The following PCDHGB6 variants were observed in gnomAD, a reference collection of about 807,000 sequenced individuals.
PCDHGB6 encodes the protein protocadherin gamma subfamily B, 6, also known as protocadherin gamma-B6.
Under a neutral mutation model 59.1 loss-of-function variants are expected in PCDHGB6, and 51 were observed. The observed-to-expected ratio is 0.86, with a 90% CI of 0.69 to 1.09. PCDHGB6 has a LOEUF of 1.09. Among genes scored for constraint, PCDHGB6 ranks in the 50% least tolerant of loss-of-function variants. The probability of loss-of-function intolerance (pLI) is 0.00; values close to 1 mark genes in which losing one functional copy is unlikely to be tolerated. For missense variants in PCDHGB6, 1,148 were observed against 1,205.1 expected (o/e 0.95, Z 0.70); for synonymous variants, 466 against 495.1 (o/e 0.94, Z 0.78).
intron 1 of PCDHGB6, chr5:141,429,222 T>C (rs897099159): frequency 6.6e-6 from 1 of 151,494 alleles, no homozygotes; most frequent in Non-Finnish European, 1.5e-5. Context: ...AAAGTGGGTA[T>C]TATGATACTG....
At position 141,431,994 on chromosome 5, in the gene PCDHGB6, G is replaced by C; in HGVS notation, c.2418+21374G>C. ...TTAGTCACAGACATAGTCTTGGATA[G>C]GGAACAGGTTCCTAGCTACAACATC... is the stretch of plus-strand genomic sequence containing the variant. On this transcript the variant is annotated intron_variant, in intron 1 of 3. Coordinates refer to ENST00000520790, the MANE Select transcript of PCDHGB6 (RefSeq NM_018926.3). The surrounding 1 kb of genome is among the most constrained non-coding windows in gnomAD (Gnocchi z 4.8). 1.9e-6 allele frequency: 3 copies of C among 1,614,188 alleles called. 1 individual carries two copies. The highest frequency in any genetic ancestry group is 2.2e-5 in the South Asian group (2 of 91,082).
chr5:141,431,725 G>A lies in PCDHGB6; in HGVS notation c.2418+21105G>A. The A allele has an allele frequency of 6.2e-7, 1 of 1,614,230 alleles. No individual in the cohort carries two copies. Among genetic ancestry groups the A allele is most frequent in the Non-Finnish European group, 8.5e-7 (1 of 1,180,044 alleles). On this transcript the variant is annotated intron_variant, in intron 1 of 3. Coordinates refer to ENST00000520790, the MANE Select transcript of PCDHGB6 (RefSeq NM_018926.3). The surrounding 1 kb of genome is among the most constrained non-coding windows in gnomAD (Gnocchi z 4.8). Reference sequence around the variant, plus strand: ...TCTACCAGATGGAAGTGCAAGCAATGGATAATGCAGGATATTCTGCGCGAG... The same window carrying A: ...TCTACCAGATGGAAGTGCAAGCAATAGATAATGCAGGATATTCTGCGCGAG...
rs746913952 is a variant in PCDHGB6, at chr5:141,432,898, G to T, written c.2418+22278G>T. 2.5e-6 allele frequency: 4 copies of T among 1,614,174 alleles called. No individual in the cohort carries two copies. Among genetic ancestry groups the T allele is most frequent in the Admixed American group, 3.3e-5 (2 of 60,034 alleles). ...TGGCCTTCGTCATCTTGCTGCTGGC[G>T]CTCAGGCTGCGGCGCTGGCACAAGT... On this transcript the variant is annotated intron_variant, in intron 1 of 3. Coordinates refer to ENST00000520790, the MANE Select transcript of PCDHGB6 (RefSeq NM_018926.3). The surrounding 1 kb of genome is among the most constrained non-coding windows in gnomAD (Gnocchi z 6.0).
At chr5:141,413,318 T>C in intron 1 of PCDHGB6, 1 of 1,613,968 alleles carries the variant, frequency 6.2e-7, no homozygotes, top group Non-Finnish European at 8.5e-7. Flanking sequence ...AAAGGCTCTT[T>C]CGTGGGCAAC....
chr5:141,415,740 G>GTTTTTTTTTTTTTTTTTT (rs57426385), intron 1 of PCDHGB6: 15 of 625,028 alleles, frequency 2.4e-5, no homozygotes, highest in African/African-American at 7.5e-5. Flanking sequence ...GTTTATTAAG[G>GTTTTTTTTTTTTTTTTTT]TTTTTTTTTT....
intron 1 of PCDHGB6, among the ~76,000 whole-genome samples, chr5:141,435,946 A>C (rs953432473): frequency 6.6e-6 from 1 of 152,174 alleles, no homozygotes; most frequent in Non-Finnish European, 1.5e-5. Flanking sequence ...CTGAGACCAA[A>C]AAAGGGGGCA....
In PCDHGB6 at chr5:141,493,668, GC is replaced by G. The variant is rs1178535601; in HGVS notation, c.2419-1135del. On this transcript the variant is annotated intron_variant, in intron 1 of 3. Coordinates refer to ENST00000520790, the MANE Select transcript of PCDHGB6 (RefSeq NM_018926.3). This position sits in a 1 kb window ranked among gnomAD's most constrained non-coding sequence, Gnocchi z 4.3. ...CATCCCTGTGCCCTTCTCCATGGCAGCCCCAGAATGGTGCTGGTGACTCCCG... is the reference window on the plus strand; with the variant it reads ...CATCCCTGTGCCCTTCTCCATGGCAGCCCAGAATGGTGCTGGTGACTCCCG... Among the ~76,000 whole-genome samples the G allele has an allele frequency of 6.6e-6, 1 of 152,140 alleles. No individual in the cohort carries two copies. The highest frequency in any genetic ancestry group is 2.4e-5 in the African/African-American group (1 of 41,422).
chr5:141,418,264 A>C, intron 1 of PCDHGB6: 1 of 1,614,082 alleles, frequency 6.2e-7, no homozygotes, highest in Non-Finnish European at 8.5e-7. Flanking sequence ...AATTCCGGAA[A>C]GATGAAATAA....
intron 1 of PCDHGB6, among the ~76,000 whole-genome samples, chr5:141,435,308 A>G (rs2097757210): frequency 6.6e-6 from 1 of 152,186 alleles, no homozygotes; most frequent in African/African-American, 2.4e-5. Flanking sequence ...GTTTTAAATC[A>G]TTCATGAACT....
intron 1 of PCDHGB6, among the ~76,000 whole-genome samples, chr5:141,467,735 C>T (rs557555571): frequency 3.3e-5 from 5 of 152,182 alleles, no homozygotes; most frequent in East Asian, 3.9e-4. Flanking sequence ...AATCCCAGCT[C>T]GCTGCAACCT....
In PCDHGB6 at chr5:141,413,895, T is replaced by C. The variant is rs749075692; in HGVS notation, c.2418+3275T>C. On this transcript the variant is annotated intron_variant, in intron 1 of 3. Transcript: ENST00000520790. ...TCAGTGTGACTGTCTTCGATGCAAATGACAACGCGCCGGTCTTCACCTTGC... is the reference window on the plus strand; with the variant it reads ...TCAGTGTGACTGTCTTCGATGCAAACGACAACGCGCCGGTCTTCACCTTGC... 7 of 1,613,190 alleles carry C rather than the reference T, an allele frequency of 4.3e-6. No individual in the cohort carries two copies. The South Asian group carries it at 6.6e-5, about 15-fold the overall frequency.
chr5:141,508,721 G>A (rs1266581528), intron 3 of PCDHGB6, among the ~76,000 whole-genome samples: 1 of 151,930 alleles, frequency 6.6e-6, no homozygotes, highest in Non-Finnish European at 1.5e-5. Flanking sequence ...TCTGTGTGCA[G>A]GGAGACTACA....
intron 2 of PCDHGB6, among the ~76,000 whole-genome samples, chr5:141,497,290 C>A (rs182104163): frequency 4.7e-4 from 72 of 152,184 alleles, no homozygotes; most frequent in Middle Eastern, 3.4e-3. Flanking sequence ...CTCTACCTAC[C>A]ACCACCCCAG....
chr5:141,456,178 A>G (rs1216202318), intron 1 of PCDHGB6, among the ~76,000 whole-genome samples: 1 of 151,926 alleles, frequency 6.6e-6, no homozygotes, highest in African/African-American at 2.4e-5. Context: ...ATTACAGAAT[A>G]ATTTCTTAAT....
chr5:141,409,328 T>A lies in PCDHGB6; in HGVS notation c.1126T>A (p.Phe376Ile). ...CCTCTTCAAAACACGGGATCTGGAT[T>A]TCGGAGGAAATGGAGAAGTCAGGTG... ...VALFKTRDLD[F>I]GGNGEVRCNI... The change falls in exon 1 of 4, where the codon TTC becomes ATC. Residue 376 changes from phenylalanine to isoleucine, a missense_variant. By Grantham distance (21) the Phe-to-Ile change is conservative. This residue lies in a region of PCDHGB6 where 549 missense variants were observed against 527.5 expected (regional missense o/e 1.04). Coordinates refer to ENST00000520790, the MANE Select transcript of PCDHGB6 (RefSeq NM_018926.3). 3 of 1,613,926 alleles carry A rather than the reference T, an allele frequency of 1.9e-6. No individual in the cohort carries two copies. The highest frequency in any genetic ancestry group is 2.5e-6 in the Non-Finnish European group (3 of 1,179,888).
intron 1 of PCDHGB6, chr5:141,478,109 T>G: frequency 1.2e-6 from 2 of 1,614,086 alleles, no homozygotes; most frequent in Non-Finnish European, 8.5e-7. Flanking sequence ...CCTCACTGTG[T>G]CAGTAACCGA....
At chr5:141,458,438 C>T (rs2098945825) in intron 1 of PCDHGB6, among the ~76,000 whole-genome samples, 1 of 152,024 alleles carries the variant, frequency 6.6e-6, no homozygotes, top group Non-Finnish European at 1.5e-5. Flanking sequence ...GAGGAGGTCC[C>T]CCACATTAAC....
At chr5:141,415,359 G>C in intron 1 of PCDHGB6, 2 of 1,614,246 alleles carry the variant, frequency 1.2e-6, no homozygotes, top group Non-Finnish European at 1.7e-6. Flanking sequence ...AGTCACGCCT[G>C]CTGCAGGCTT....
intron 1 of PCDHGB6, chr5:141,416,537 G>T (rs2096038948): frequency 6.6e-6 from 1 of 152,082 alleles, no homozygotes; most frequent in Admixed American, 6.6e-5. Context: ...AATGTATAAG[G>T]AGGCAAACAC....
Sources: gnomAD v4.1 joint callset for allele counts (sites outside exome capture counted in the v4.1 genomes callset) on GRCh38, gnomAD v4.1.1 for gene constraint, gnomAD v4.1.1 regional missense constraint, Gnocchi (gnomAD v3.1) non-coding constraint, MANE v1.5 for transcripts, NCBI Gene and HGNC (gene_info 2026-07-23, HGNC 2026-07-21) for gene names.